Variants in ADGRE2 observed in about 807,000 individuals in gnomAD.
The protein encoded by ADGRE2 is adhesion G protein-coupled receptor E2.
In ADGRE2, 83 loss-of-function variants were observed where a neutral mutation model predicts 100.8. The ratio of observed to expected loss-of-function variants is 0.82; its 90% CI spans 0.69 to 0.99. The LOEUF is 0.99. Among genes scored for constraint, ADGRE2 ranks in the 50% least tolerant of loss-of-function variants. ADGRE2 has a pLI of 0.00. For synonymous variants in ADGRE2, 355 were observed against 413.0 expected, an observed-to-expected ratio of 0.86 and a Z score of 1.70; for missense variants, 814 against 1,035.7, an observed-to-expected ratio of 0.79 and a Z score of 2.94.
chr19:14,736,634 A>G (rs1407789178), intron 20 of ADGRE2, among the ~76,000 whole-genome samples: 2 of 147,544 alleles, frequency 1.4e-5, no homozygotes, highest in Middle Eastern at 3.6e-3. Flanking sequence ...TTAGAAATAT[A>G]TAGATATTTA....
intron 5 of ADGRE2, among the ~76,000 whole-genome samples, chr19:14,771,496 T>C (rs1306879413): frequency 6.6e-6 from 1 of 152,098 alleles, no homozygotes; most frequent in Non-Finnish European, 1.5e-5. Flanking sequence ...AGCTGCAGTG[T>C]GGAATAAGAC....
chr19:14,742,239 G>T (rs1447271915), intron 20 of ADGRE2, among the ~76,000 whole-genome samples: 1 of 152,124 alleles, frequency 6.6e-6, no homozygotes, highest in South Asian at 2.1e-4. Flanking sequence ...TTTGTTATTT[G>T]TATTATTTTC....
intron 11 of ADGRE2, among the ~76,000 whole-genome samples, chr19:14,757,802 C>CT (rs948198203): frequency 1.2e-4 from 18 of 152,076 alleles, no homozygotes; most frequent in African/African-American, 4.1e-4. Context: ...GTAATGAATT[C>CT]TTTTTTTATT....
In ADGRE2 at chr19:14,734,914, A is replaced by G. The variant is rs1295889019; in HGVS notation, c.*1322T>C. ...TATGTGAGCTGGCCACCCCACCCTAATCTTATTATGCAAATGAGCTTTGGC... is the reference window on the plus strand; with the variant it reads ...TATGTGAGCTGGCCACCCCACCCTAGTCTTATTATGCAAATGAGCTTTGGC... On this transcript the variant is annotated 3_prime_UTR_variant, in exon 21 of 21. Transcript: ENST00000315576. 1 of 152,196 alleles carries G rather than the reference A, an allele frequency of 6.6e-6. No individual in the cohort carries two copies. 9.4% of individuals were successfully genotyped at this position (152,196 alleles called of 1,614,324 possible).
chr19:14,746,158 G>A, intron 18 of ADGRE2, 74 bp downstream of exon 18: 2 of 857,946 alleles, frequency 2.3e-6, no homozygotes, highest in Middle Eastern at 2.5e-4. Flanking sequence ...GACCTCAGTG[G>A]CTGCTGAGGC....
chr19:14,742,475 TC>T (rs1231764024), intron 20 of ADGRE2, among the ~76,000 whole-genome samples: 2 of 152,110 alleles, frequency 1.3e-5, no homozygotes, highest in African/African-American at 4.8e-5. Flanking sequence ...CAAGCAGTTG[TC>T]CTGCCTCAGC....
At chr19:14,769,575 C>A (rs536473681) in intron 5 of ADGRE2, among the ~76,000 whole-genome samples, 7 of 152,194 alleles carry the variant, frequency 4.6e-5, no homozygotes, top group African/African-American at 1.7e-4. Context: ...CTGTTCTGTG[C>A]GGATGGGGTC....
At chr19:14,738,969 C>CTTTTTT (rs68029679) in intron 20 of ADGRE2, among the ~76,000 whole-genome samples, 27 of 104,890 alleles carry the variant, frequency 2.6e-4, no homozygotes, top group African/African-American at 7.2e-4. Flanking sequence ...CTTTTCTTTT[C>CTTTTTT]TTTTTTTTTT....
chr19:14,728,230 T>TC (rs1429140494), downstream of ADGRE2, among the ~76,000 whole-genome samples: 1 of 152,212 alleles, frequency 6.6e-6, no homozygotes, highest in East Asian at 1.9e-4. Context: ...AATTTTTTTT[T>TC]CAGAATACTC....
At chr19:14,771,986 C>G (rs1254092824) in intron 5 of ADGRE2, 1 of 283,626 alleles carries the variant, frequency 3.5e-6, no homozygotes, top group East Asian at 7.9e-5. Flanking sequence ...TTAGAAGCAC[C>G]TATTCTTTCC....
intron 20 of ADGRE2, among the ~76,000 whole-genome samples, chr19:14,740,581 A>G (rs1287590611): frequency 3.4e-5 from 5 of 148,782 alleles, no homozygotes; most frequent in Non-Finnish European, 7.4e-5. Context: ...AGATAGCACC[A>G]TTGTACTCCA....
chr19:14,766,105 C>A, intron 7 of ADGRE2, 130 bp downstream of exon 7: 1 of 1,516,180 alleles, frequency 6.6e-7, no homozygotes, highest in Non-Finnish European at 9.0e-7. Context: ...TCTCATCTAG[C>A]CTCAGAAGAA....
rs745433129 is a variant in ADGRE2, at chr19:14,753,818, G to C, written c.1590+1136C>G. 2.6e-5 allele frequency among the ~76,000 whole-genome samples: 4 copies of C among 151,834 alleles called. 1 individual carries two copies. In the South Asian group the frequency reaches 6.2e-4, roughly 24 times the overall value. ...AAAAAAAAAAGGCAGAGTTTACCCT[G>C]GGTGGGCCAGACCTAATCAGATGAG... On this transcript the variant is annotated intron_variant, in intron 14 of 20. Transcript: ENST00000315576.
chr19:14,755,588 G>C, intron 13 of ADGRE2, 66 bp downstream of exon 13: 1 of 1,428,074 alleles, frequency 7.0e-7, no homozygotes, highest in Non-Finnish European at 9.9e-7. Flanking sequence ...CCAGGGCTGA[G>C]CTGAGCAGCA....
intron 16 of ADGRE2, among the ~76,000 whole-genome samples, chr19:14,751,012 T>C (rs1012268837): frequency 1.3e-5 from 2 of 151,936 alleles, no homozygotes; most frequent in Non-Finnish European, 2.9e-5. Flanking sequence ...GGGGTCTTGC[T>C]GTGTTGCCCA....
chr19:14,774,097 A>G (rs191324242), intron 3 of ADGRE2, 43 bp from the exon 4 acceptor site: 29,208 of 1,555,354 alleles, frequency 0.019, 990 homozygotes, highest in African/African-American at 0.13. Context: ...GGGGTAAGGG[A>G]ATACACAAAA....
chr19:14,756,660 G>A (rs1299561657), intron 11 of ADGRE2, among the ~76,000 whole-genome samples: 2 of 152,124 alleles, frequency 1.3e-5, no homozygotes, highest in African/African-American at 4.8e-5. Flanking sequence ...TCACTGGTGA[G>A]TTCTACCAAT....
chr19:14,768,148 C>A (rs1011453540), intron 5 of ADGRE2, among the ~76,000 whole-genome samples: 1 of 152,186 alleles, frequency 6.6e-6, no homozygotes, highest in African/African-American at 2.4e-5. Flanking sequence ...GTGGCCCTAG[C>A]AGGATGGTGC....
chr19:14,767,185 C>G (rs2044019566), intron 5 of ADGRE2, 76 bp from the exon 6 acceptor site: 2 of 1,585,092 alleles, frequency 1.3e-6, no homozygotes, highest in Non-Finnish European at 1.7e-6. Context: ...GCCATGTTTC[C>G]TGGCACGGAA....
Sources: gnomAD v4.1 joint callset for allele counts (sites outside exome capture counted in the v4.1 genomes callset) on GRCh38, gnomAD v4.1.1 for gene constraint, MANE v1.5 for transcripts, NCBI Gene and HGNC (gene_info 2026-07-23, HGNC 2026-07-21) for gene names.